Variants in RAC2 observed in about 807,000 individuals in gnomAD.
RAC2 encodes the protein Rac family small GTPase 2.
RAC2 carries 1 observed loss-of-function variant against 24.0 expected under a neutral mutation model. The ratio of observed to expected loss-of-function variants is 0.04; its 90% CI spans 0.01 to 0.20. The LOEUF (loss-of-function observed/expected upper bound fraction) is 0.20, where lower values mean the gene tolerates loss of function less well. Among genes scored for constraint, RAC2 ranks in the 10% least tolerant of loss-of-function variants. RAC2 has a pLI of 1.00. For missense variants in RAC2, 130 were observed against 259.1 expected, an observed-to-expected ratio of 0.50 and a Z score of 3.42; for synonymous variants, 114 against 106.8, an observed-to-expected ratio of 1.07 and a Z score of -0.41.
intron 2 of RAC2, among the ~76,000 whole-genome samples, chr22:37,235,369 T>C (rs1267325990): frequency 6.6e-6 from 1 of 152,072 alleles, no homozygotes; most frequent in East Asian, 1.9e-4. Context: ...CCTCTCTCCC[T>C]TCTCTTCCTC....
chr22:37,231,854 C>A lies in RAC2; in HGVS notation c.288+78G>T, dbSNP rs1927073304. On this transcript the variant is annotated intron_variant, in intron 4 of 6. Coordinates refer to ENST00000249071, the MANE Select transcript of RAC2 (RefSeq NM_002872.5). The surrounding 1 kb of genome is among the most constrained non-coding windows in gnomAD (Gnocchi z 5.5). Reference sequence around the variant, plus strand: ...GACCTCTGCTGCCCCAGGGACCAGCCTAGAGTCACCAGTTCCTCCCTCTGT... The same window carrying A: ...GACCTCTGCTGCCCCAGGGACCAGCATAGAGTCACCAGTTCCTCCCTCTGT... 2.7e-6 allele frequency: 4 copies of A among 1,490,554 alleles called. No individual in the cohort carries two copies. The allele number at this position is 1,490,554 out of a possible 1,614,324, so 92.3% of individuals were successfully genotyped here. A position where few individuals can be genotyped will look rare whatever the true frequency, so the allele number is the denominator to read the frequency against.
chr22:37,232,259 T>G, intron 3 of RAC2: 2 of 540,674 alleles, frequency 3.7e-6, no homozygotes, highest in Non-Finnish European at 6.7e-6. Context: ...GGTAGCCCCA[T>G]TCCTCAGACA....
At chr22:37,240,082 G>A (rs1049785706) in intron 2 of RAC2, among the ~76,000 whole-genome samples, 18 of 152,154 alleles carry the variant, frequency 1.2e-4, no homozygotes, top group African/African-American at 3.9e-4. Flanking sequence ...CCTGGGCCAG[G>A]GCATCTAAGG....
chr22:37,226,344 G>T (rs1290154842), intron 6 of RAC2, among the ~76,000 whole-genome samples: 1 of 151,990 alleles, frequency 6.6e-6, no homozygotes, highest in East Asian at 1.9e-4. Flanking sequence ...GCTCGACTGG[G>T]CTCTCCTAGG....
intron 1 of RAC2, among the ~76,000 whole-genome samples, chr22:37,241,872 AG>A (rs1251860073): frequency 3.3e-5 from 5 of 152,214 alleles, no homozygotes; most frequent in Non-Finnish European, 7.4e-5. Flanking sequence ...TTCAGGGTCC[AG>A]CCCCAGAGAT....
chr22:37,244,237 G>A lies in RAC2; in HGVS notation c.-89C>T, dbSNP rs770364214. 185 of 1,445,230 alleles carry A rather than the reference G, an allele frequency of 1.3e-4. No individual in the cohort carries two copies. The highest frequency in any genetic ancestry group is 1.7e-4 in the Non-Finnish European group (179 of 1,042,480). 89.5% of individuals were successfully genotyped at this position (1,445,230 alleles called of 1,614,324 possible). ...CAAGGGGTGTGGAGGCTGGTGAGGC[G>A]CCTGCTGAGGAGCAGCGGTGGTGGG... On this transcript the variant is annotated 5_prime_UTR_variant, in exon 1 of 7. Transcript: ENST00000249071.
At chr22:37,227,609 A>AC (rs1211931308) in intron 5 of RAC2, among the ~76,000 whole-genome samples, 1 of 33,822 alleles carries the variant, frequency 3.0e-5, no homozygotes, top group Non-Finnish European at 5.6e-5. Flanking sequence ...CACACCATAC[A>AC]CCCCTCCCAC....
At chr22:37,241,754 AC>A in intron 1 of RAC2, 96 bp from the exon 2 acceptor site, 1 of 1,145,440 alleles carries the variant, frequency 8.7e-7, no homozygotes, top group Non-Finnish European at 1.3e-6. Context: ...CTCAGCATCC[AC>A]CCAGCCTAGC....
At chr22:37,243,142 G>A (rs1041341846) in intron 1 of RAC2, among the ~76,000 whole-genome samples, 3 of 152,152 alleles carry the variant, frequency 2.0e-5, no homozygotes, top group African/African-American at 7.2e-5. Context: ...GGGACTGCAG[G>A]CGCATATGCC....
Position 37,231,432 on chromosome 22 carries a change from G to A in RAC2, c.289-42C>T. 6.3e-7 allele frequency: 1 copy of A among 1,588,106 alleles called. No homozygotes were observed. Among genetic ancestry groups the A allele is most frequent in the Non-Finnish European group, 8.6e-7 (1 of 1,158,828 alleles). On this transcript the variant is annotated intron_variant, in intron 4 of 6. Coordinates refer to ENST00000249071, the MANE Select transcript of RAC2 (RefSeq NM_002872.5). The surrounding 1 kb of genome is among the most constrained non-coding windows in gnomAD (Gnocchi z 5.5). The stretch of plus-strand genomic sequence containing the variant: ...GGGGACACAAGGTTGTATGGGTCAA[G>A]AGGGGGCGCGAGGCTGTGCGGGGAT...
Position 37,226,799 on chromosome 22 carries a change from C to T in RAC2, c.453G>A (p.Ser151=), listed in dbSNP as rs369270392. The T allele has an allele frequency of 1.9e-6, 3 of 1,612,426 alleles. No homozygotes were observed. The highest frequency in any genetic ancestry group is 1.3e-5 in the African/African-American group (1 of 74,580). ...QGLALAKEID[S]VKYLECSALT... ...GAGCTGAGCACTCCAGGTATTTCACCGAGTCTGGTTGGGGAGATGGACAGG... is the reference window on the plus strand; with the variant it reads ...GAGCTGAGCACTCCAGGTATTTCACTGAGTCTGGTTGGGGAGATGGACAGG... The change falls in exon 6 of 7, where the codon TCG becomes TCA. Residue 151 remains serine (S), a synonymous_variant. Transcript: ENST00000249071.
chr22:37,232,692 T>G, intron 3 of RAC2, 109 bp downstream of exon 3: 1 of 894,260 alleles, frequency 1.1e-6, no homozygotes, highest in Non-Finnish European at 1.8e-6. Flanking sequence ...AGCTGGGCCT[T>G]AAGGGGAGAG....
At chr22:37,235,238 A>C (rs1056136518) in intron 2 of RAC2, among the ~76,000 whole-genome samples, 5 of 152,018 alleles carry the variant, frequency 3.3e-5, no homozygotes, top group African/African-American at 1.2e-4. Flanking sequence ...CCTTTTTAAT[A>C]CACTTTGCCT....
intron 5 of RAC2, 48 bp from the exon 6 acceptor site, chr22:37,226,851 G>C (rs200215350): frequency 1.2e-4 from 176 of 1,425,668 alleles, no homozygotes; most frequent in South Asian, 2.0e-4. Context: ...TGGCGGGGGG[G>C]GTTCTGGGCC....
At chr22:37,237,180 T>TCC (rs1927249114) in intron 2 of RAC2, among the ~76,000 whole-genome samples, 1 of 131,932 alleles carries the variant, frequency 7.6e-6, no homozygotes, top group Non-Finnish European at 1.6e-5. Flanking sequence ...ACAGCGAGAC[T>TCC]CCGTCAGGAA....
At chr22:37,226,486 A>C (rs1926839460) in intron 6 of RAC2, among the ~76,000 whole-genome samples, 185 bp downstream of exon 6, 1 of 152,076 alleles carries the variant, frequency 6.6e-6, no homozygotes, top group Non-Finnish European at 1.5e-5. Flanking sequence ...TTGCCTCTGG[A>C]AGATGAGCTC....
chr22:37,240,990 T>C, intron 2 of RAC2: 1 of 716,168 alleles, frequency 1.4e-6, no homozygotes, highest in Non-Finnish European at 2.6e-6. Context: ...TTGAGTGCCA[T>C]GCTAGGGAGT....
chr22:37,232,172 T>G (rs750062351), intron 3 of RAC2, among the ~76,000 whole-genome samples, 178 bp from the exon 4 acceptor site: 10 of 152,158 alleles, frequency 6.6e-5, no homozygotes, highest in Non-Finnish European at 1.2e-4. Context: ...AGGCTGCTGT[T>G]TGTTAGGACG....
intron 2 of RAC2, among the ~76,000 whole-genome samples, chr22:37,234,169 G>T (rs752331255): frequency 6.6e-6 from 1 of 152,238 alleles, no homozygotes; most frequent in Admixed American, 6.5e-5. Context: ...GCCTGATCCT[G>T]CCCCCACAGC....
Sources: gnomAD v4.1 joint callset for allele counts (sites outside exome capture counted in the v4.1 genomes callset) on GRCh38, gnomAD v4.1.1 for gene constraint, Gnocchi (gnomAD v3.1) non-coding constraint, MANE v1.5 for transcripts, NCBI Gene and HGNC (gene_info 2026-07-23, HGNC 2026-07-21) for gene names.